The following CDH12 variants were observed in gnomAD, a reference collection of about 807,000 sequenced individuals.
CDH12 encodes the protein cadherin 12.
A neutral mutation model predicts 74.1 loss-of-function variants in CDH12; 41 were observed. The ratio of observed to expected loss-of-function variants is 0.55; its 90% CI spans 0.43 to 0.72. CDH12 has a LOEUF of 0.72. Ranked by LOEUF, CDH12 falls within the 30% of genes least tolerant of loss-of-function variation. The pLI, the probability that CDH12 is intolerant of heterozygous loss-of-function variation, is 0.00. For synonymous variants in CDH12, 399 were observed against 355.0 expected, an observed-to-expected ratio of 1.12 and a Z score of -1.39; for missense variants, 945 against 977.2, an observed-to-expected ratio of 0.97 and a Z score of 0.44.
At chr5:22,151,849 G>T (rs576727339) in intron 4 of CDH12, 1 of 152,140 alleles carries the variant, frequency 6.6e-6, no homozygotes, top group South Asian at 2.1e-4. Flanking sequence ...AAACGTTTCT[G>T]GTTTTCACAG....
At chr5:22,707,395 CTTATT>C (rs1418825100) in intron 1 of CDH12, among the ~76,000 whole-genome samples, 1 of 152,110 alleles carries the variant, frequency 6.6e-6, no homozygotes, top group Non-Finnish European at 1.5e-5. Context: ...TGATTTCACC[CTTATT>C]TTAACATTTA....
rs1449306912 is a variant in CDH12 at position 22,317,708 on chromosome 5, CAATA to C, written c.-333+87545_-333+87548del. ...ATTCAAAGCATAATATCCAATTGCA[CAATA>C]AATACTTCTTGCTCATGTCATAAAT... On this transcript the variant is annotated intron_variant, in intron 3 of 14. Transcript: ENST00000382254. Among the ~76,000 whole-genome samples, 3 of 152,098 alleles carry C rather than the reference CAATA, an allele frequency of 2.0e-5. No individual in the cohort carries two copies. In the East Asian group the frequency reaches 5.8e-4, roughly 29 times the overall value.
intron 3 of CDH12, among the ~76,000 whole-genome samples, chr5:22,372,555 G>A (rs1205090162): frequency 6.6e-6 from 1 of 152,162 alleles, no homozygotes; most frequent in African/African-American, 2.4e-5. Context: ...CTGAGCAGCT[G>A]CGACATGCAA....
At chr5:21,775,450 A>C (rs1272596822) in intron 11 of CDH12, among the ~76,000 whole-genome samples, 1 of 152,126 alleles carries the variant, frequency 6.6e-6, no homozygotes, top group Non-Finnish European at 1.5e-5. Context: ...GTCGCACCTG[A>C]AAAACTGCAG....
chr5:22,116,864 CTTTTT>C (rs70957090), intron 4 of CDH12, among the ~76,000 whole-genome samples: 50 of 108,022 alleles, frequency 4.6e-4, no homozygotes, highest in African/African-American at 1.0e-3. Flanking sequence ...CTGCAAGTCT[CTTTTT>C]TTTTTTTTTT....
intron 3 of CDH12, among the ~76,000 whole-genome samples, chr5:22,228,042 G>C (rs1471464928): frequency 6.6e-6 from 1 of 152,054 alleles, no homozygotes; most frequent in Non-Finnish European, 1.5e-5. Flanking sequence ...CTTGGGATAA[G>C]TGATTTCACT....
At chr5:22,019,383 A>G (rs1737817071) in intron 5 of CDH12, among the ~76,000 whole-genome samples, 1 of 152,166 alleles carries the variant, frequency 6.6e-6, no homozygotes, top group Non-Finnish European at 1.5e-5. Context: ...ATTATCACAA[A>G]CATCACTTGG....
At chr5:21,892,421 G>A (rs902741053) in intron 6 of CDH12, among the ~76,000 whole-genome samples, 1 of 151,978 alleles carries the variant, frequency 6.6e-6, no homozygotes, top group South Asian at 2.1e-4. Context: ...GGGTGGTGGC[G>A]GGAAAAAGTA....
At chr5:22,833,314 T>G (rs17294204) in intron 1 of CDH12, among the ~76,000 whole-genome samples, 8,167 of 152,276 alleles carry the variant, frequency 0.054, 338 homozygotes, top group South Asian at 0.18. Flanking sequence ...ATTGATCATA[T>G]TCTCTACAGG....
intron 1 of CDH12, among the ~76,000 whole-genome samples, chr5:22,745,409 G>C (rs142093376): frequency 6.6e-6 from 1 of 152,052 alleles, no homozygotes; most frequent in Admixed American, 6.6e-5. Flanking sequence ...CAGCAATCCT[G>C]TTACTGGGTA....
At position 21,985,777 on chromosome 5, in the gene CDH12, A is replaced by T. The variant is rs1757492169; in HGVS notation, c.232-10392T>A. Among the ~76,000 whole-genome samples, 4 of 152,140 alleles carry T rather than the reference A, an allele frequency of 2.6e-5. No individual in the cohort carries two copies. The South Asian group carries it at 8.3e-4, about 31-fold the overall frequency. On this transcript the variant is annotated intron_variant, in intron 5 of 14. Transcript: ENST00000382254. ...CAAGCTAATACTTATTCTGAGCTCAAGAACATCATAGTGGCCATTATATTC... is the reference window on the plus strand; with the variant it reads ...CAAGCTAATACTTATTCTGAGCTCATGAACATCATAGTGGCCATTATATTC...
intron 11 of CDH12, among the ~76,000 whole-genome samples, chr5:21,778,521 A>ATT (rs71964106): frequency 8.7e-5 from 10 of 115,114 alleles, no homozygotes; most frequent in African/African-American, 2.2e-4. Flanking sequence ...AAAAATCTCT[A>ATT]TTTTTTTTTT....
intron 3 of CDH12, among the ~76,000 whole-genome samples, chr5:22,313,950 A>T (rs747595495): frequency 6.6e-6 from 1 of 152,154 alleles, no homozygotes; most frequent in Non-Finnish European, 1.5e-5. Flanking sequence ...AACCACTTGT[A>T]CCCCAAAAGC....
At chr5:22,654,185 CT>C (rs1739894675) in intron 1 of CDH12, among the ~76,000 whole-genome samples, 1 of 148,254 alleles carries the variant, frequency 6.7e-6, no homozygotes, top group African/African-American at 2.5e-5. Flanking sequence ...TTTCTTCTTT[CT>C]TTCTTTCTTT....
At chr5:22,690,373 C>A (rs1486257516) in intron 1 of CDH12, among the ~76,000 whole-genome samples, 1 of 152,016 alleles carries the variant, frequency 6.6e-6, no homozygotes, top group Non-Finnish European at 1.5e-5. Flanking sequence ...AATGGCCATC[C>A]AAGTTTTATT....
chr5:22,198,839 T>A (rs1244726208), intron 4 of CDH12, among the ~76,000 whole-genome samples: 1 of 152,038 alleles, frequency 6.6e-6, no homozygotes. Flanking sequence ...TTACCAATCC[T>A]CAAGATTTTG....
intron 2 of CDH12, among the ~76,000 whole-genome samples, chr5:22,497,298 T>C (rs1414920091): frequency 6.6e-6 from 1 of 152,172 alleles, no homozygotes; most frequent in Non-Finnish European, 1.5e-5. Context: ...TCAGACTTCA[T>C]TTGTTCAGTT....
intron 4 of CDH12, among the ~76,000 whole-genome samples, chr5:22,125,591 T>A (rs1745809510): frequency 6.6e-6 from 1 of 152,186 alleles, no homozygotes; most frequent in African/African-American, 2.4e-5. Flanking sequence ...TTTTAGTTAG[T>A]TCCAGCTGAG....
intron 1 of CDH12, among the ~76,000 whole-genome samples, chr5:22,773,934 G>A (rs977776341): frequency 3.3e-5 from 5 of 152,136 alleles, no homozygotes; most frequent in Admixed American, 3.3e-4. Context: ...ACTACAATGA[G>A]ATACCATTTC....
Sources: allele counts gnomAD v4.1 joint callset (sites outside exome capture counted in the v4.1 genomes callset), GRCh38; gene constraint gnomAD v4.1.1; transcripts MANE v1.5; gene names NCBI Gene and HGNC (gene_info 2026-07-23, HGNC 2026-07-21).